Variants in ANKS1B observed in about 807,000 individuals in gnomAD.
ANKS1B encodes ankyrin repeat and sterile alpha motif domain containing 1B.
A neutral mutation model predicts 148.3 loss-of-function variants in ANKS1B; 36 were observed. The ratio of observed to expected loss-of-function variants is 0.24; its 90% CI spans 0.19 to 0.32. The LOEUF is 0.32. ANKS1B is among the 10% of genes least tolerant of loss of function. ANKS1B has a pLI of 1.00. For synonymous variants in ANKS1B, 542 were observed against 560.8 expected (o/e 0.97, Z 0.47); for missense variants, 1,157 against 1,542.6 (o/e 0.75, Z 4.19).
At chr12:98,773,230 T>C (rs2098615819) in intron 24 of ANKS1B, 51 bp from the exon 25 acceptor site, 3 of 1,544,806 alleles carry the variant, frequency 1.9e-6, no homozygotes, top group African/African-American at 1.4e-5. Flanking sequence ...AACCAGCATA[T>C]ATGACAACCA....
intron 17 of ANKS1B, among the ~76,000 whole-genome samples, chr12:99,041,573 T>A (rs906091541): frequency 2.6e-5 from 4 of 152,144 alleles, no homozygotes; most frequent in Admixed American, 6.6e-5. Context: ...AGGTCATTTT[T>A]TTCCCCCCGG....
At chr12:99,956,632 C>G (rs1000164629) in intron 1 of ANKS1B, among the ~76,000 whole-genome samples, 4 of 152,142 alleles carry the variant, frequency 2.6e-5, no homozygotes, top group African/African-American at 9.7e-5. Flanking sequence ...AGGACTGATA[C>G]TAGGCCAAAA....
chr12:98,945,294 G>A (rs1175112535), intron 17 of ANKS1B, among the ~76,000 whole-genome samples: 2 of 151,958 alleles, frequency 1.3e-5, no homozygotes, highest in Non-Finnish European at 2.9e-5. Context: ...TCAGGAGTTC[G>A]AGACCAGCCT....
chr12:99,746,537 C>T (rs2060612091), intron 8 of ANKS1B, among the ~76,000 whole-genome samples: 1 of 152,070 alleles, frequency 6.6e-6, no homozygotes. Flanking sequence ...CTCTTCATTC[C>T]CTTGCTTCTA....
chr12:99,063,413 G>A (rs1014426669), intron 16 of ANKS1B, among the ~76,000 whole-genome samples: 3 of 152,198 alleles, frequency 2.0e-5, no homozygotes, highest in Non-Finnish European at 4.4e-5. Context: ...CTATCAAGTA[G>A]TGTGAGGATC....
In ANKS1B at chr12:99,493,080, A is replaced by C. The variant is rs78541374; in HGVS notation, c.1438+11396T>G. 6.5e-3 allele frequency among the ~76,000 whole-genome samples: 992 copies of C among 152,306 alleles called. 11 individuals are homozygous for C. Among genetic ancestry groups the C allele is most frequent in the African/African-American group, 0.022 (912 of 41,562 alleles). On this transcript the variant is annotated intron_variant, in intron 10 of 26. Coordinates refer to ENST00000683438, the MANE Select transcript of ANKS1B (RefSeq NM_001352186.2). ...CAGAAATAAAGGGCATCCAAACAGA[A>C]ATAGAGGAAGTCACACTATCCCTGT... is the stretch of plus-strand genomic sequence containing the variant.
rs78419662 is a variant in ANKS1B, at chr12:99,045,807, C to G, written c.2778+7350G>C. Among the ~76,000 whole-genome samples, 643 of 152,222 alleles carry G rather than the reference C, an allele frequency of 4.2e-3. 24 individuals carry two copies. The East Asian group carries it at 0.087, about 21-fold the overall frequency. ...GAGTTGCATTTGCCTGCAATTGCCC[C>G]TGAGAGAATTTCTAGGCCATGCAGC... On this transcript the variant is annotated intron_variant, in intron 17 of 26. Coordinates refer to ENST00000683438, the MANE Select transcript of ANKS1B (RefSeq NM_001352186.2).
intron 10 of ANKS1B, among the ~76,000 whole-genome samples, chr12:99,471,682 T>C (rs187494246): frequency 4.9e-4 from 74 of 151,910 alleles, no homozygotes; most frequent in Admixed American, 1.8e-3. Context: ...ACACACGCTC[T>C]TTAAAGTGCT....
chr12:99,432,396 T>C (rs1442023948), intron 11 of ANKS1B, among the ~76,000 whole-genome samples: 1 of 152,132 alleles, frequency 6.6e-6, no homozygotes, highest in Non-Finnish European at 1.5e-5. Flanking sequence ...GTGGTACTTA[T>C]TGACAGCCAG....
At chr12:98,830,341 G>A (rs2099293055) in intron 18 of ANKS1B, among the ~76,000 whole-genome samples, 1 of 151,830 alleles carries the variant, frequency 6.6e-6, no homozygotes, top group Non-Finnish European at 1.5e-5. Context: ...CTCTCAAGTA[G>A]CCTCCAAATA....
chr12:99,826,813 G>C (rs1489008257), intron 1 of ANKS1B, among the ~76,000 whole-genome samples: 1 of 152,034 alleles, frequency 6.6e-6, no homozygotes, highest in Non-Finnish European at 1.5e-5. Context: ...TTCTGAGAAA[G>C]AAAATCAAAG....
At chr12:99,979,248 CA>C (rs1184704911) in intron 1 of ANKS1B, among the ~76,000 whole-genome samples, 2 of 151,318 alleles carry the variant, frequency 1.3e-5, no homozygotes, top group Non-Finnish European at 3.0e-5. Flanking sequence ...CAAGCAAACA[CA>C]AAAAAAGAAA....
chr12:99,494,953 G>A (rs1198386682), intron 10 of ANKS1B, among the ~76,000 whole-genome samples: 2 of 151,974 alleles, frequency 1.3e-5, no homozygotes, highest in African/African-American at 4.8e-5. Context: ...AGTTAACAAA[G>A]TTCCATCTGG....
intron 8 of ANKS1B, among the ~76,000 whole-genome samples, chr12:99,720,916 A>G (rs542681118): frequency 6.6e-6 from 1 of 152,218 alleles, no homozygotes; most frequent in South Asian, 2.1e-4. Context: ...GCCACTCTTA[A>G]CTCTTAAAGT....
At chr12:99,611,762 G>T (rs1357052604) in intron 9 of ANKS1B, among the ~76,000 whole-genome samples, 2 of 152,030 alleles carry the variant, frequency 1.3e-5, no homozygotes, top group Non-Finnish European at 2.9e-5. Context: ...TAAGGCATGA[G>T]GAATGAATTC....
intron 17 of ANKS1B, chr12:98,894,859 C>A: frequency 1.0e-6 from 1 of 980,240 alleles, no homozygotes; most frequent in Non-Finnish European, 1.2e-6. Flanking sequence ...GCCGGGCTCT[C>A]CCCGCGAGCT....
Position 98,801,863 on chromosome 12 carries a change from C to T in ANKS1B, c.3142-738G>A, listed in dbSNP as rs146594386. ...ATGATGGTATATCATATGATACAGA[C>T]CTAAAACAGGAGGACCTCCCATCAT... On this transcript the variant is annotated intron_variant, in intron 20 of 26. Transcript: ENST00000683438. The surrounding 1 kb of genome is among the most constrained non-coding windows in gnomAD (Gnocchi z 5.2). Among the ~76,000 whole-genome samples, 59 of 152,284 alleles carry T rather than the reference C, an allele frequency of 3.9e-4. No individual in the cohort carries two copies. The highest frequency in any genetic ancestry group is 7.3e-4 in the Non-Finnish European group (50 of 68,034).
intron 17 of ANKS1B, among the ~76,000 whole-genome samples, chr12:98,864,760 T>C (rs551046611): frequency 1.3e-5 from 2 of 152,314 alleles, no homozygotes; most frequent in African/African-American, 4.8e-5. Flanking sequence ...TAAAAATCTG[T>C]TGTCTGATGA....
intron 1 of ANKS1B, among the ~76,000 whole-genome samples, chr12:99,976,668 T>C (rs994014553): frequency 6.6e-6 from 1 of 152,144 alleles, no homozygotes; most frequent in Non-Finnish European, 1.5e-5. Context: ...AGAATCCAAA[T>C]AACTCTACTG....
Sources: gnomAD v4.1 joint callset for allele counts (sites outside exome capture counted in the v4.1 genomes callset) on GRCh38, gnomAD v4.1.1 for gene constraint, Gnocchi (gnomAD v3.1) non-coding constraint, MANE v1.5 for transcripts, NCBI Gene and HGNC (gene_info 2026-07-23, HGNC 2026-07-21) for gene names.